Variants in GRID2 observed in about 807,000 individuals in gnomAD.
The protein encoded by GRID2 is glutamate ionotropic receptor delta type subunit 2, also known as glutamate receptor ionotropic, delta-2.
GRID2 carries 33 observed loss-of-function variants against 114.8 expected under a neutral mutation model. The ratio of observed to expected loss-of-function variants is 0.29; its 90% confidence interval spans 0.22 to 0.38. The LOEUF (loss-of-function observed/expected upper bound fraction) is 0.38, where lower values mean the gene tolerates loss of function less well. GRID2 is among the 10% of genes least tolerant of loss of function. The pLI, the probability that GRID2 is intolerant of heterozygous loss-of-function variation, is 1.00. For synonymous variants in GRID2, 505 were observed against 449.9 expected (o/e 1.12, Z -1.55); for missense variants, 1,184 against 1,257.7 (o/e 0.94, Z 0.89).
At chr4:93,416,561 A>G (rs984373719) in intron 9 of GRID2, among the ~76,000 whole-genome samples, 8 of 152,050 alleles carry the variant, frequency 5.3e-5, no homozygotes, top group Non-Finnish European at 1.2e-4. Flanking sequence ...AAACCTCTAA[A>G]CAGCTCTCAG....
At chr4:92,772,989 A>C (rs1224196575) in intron 2 of GRID2, among the ~76,000 whole-genome samples, 1 of 152,204 alleles carries the variant, frequency 6.6e-6, no homozygotes, top group Non-Finnish European at 1.5e-5. Flanking sequence ...GTCATTCTAG[A>C]AAAATCACCT....
rs939707363 is a variant in GRID2 at position 93,666,484 on chromosome 4, C to T, written c.2360+40049C>T. 5.3e-5 allele frequency among the ~76,000 whole-genome samples: 8 copies of T among 152,044 alleles called. No individual in the cohort carries two copies. In the East Asian group the frequency reaches 9.7e-4, roughly 18 times the overall value. ...GGCATGTCATTATGTTAGATTTGGG[C>T]GATTTGAAGAGTGCAATAATTATTA... On this transcript the variant is annotated intron_variant, in intron 14 of 15. Coordinates refer to ENST00000282020, the MANE Select transcript of GRID2 (RefSeq NM_001510.4).
chr4:92,340,576 C>T (rs1239517157), intron 1 of GRID2, among the ~76,000 whole-genome samples: 3 of 152,154 alleles, frequency 2.0e-5, no homozygotes, highest in Non-Finnish European at 4.4e-5. Flanking sequence ...TGGAATTCTA[C>T]ATGATGAACA....
At chr4:93,308,870 A>G (rs1039565432) in intron 8 of GRID2, among the ~76,000 whole-genome samples, 1 of 152,184 alleles carries the variant, frequency 6.6e-6, no homozygotes, top group African/African-American at 2.4e-5. Context: ...GGAAAACTTG[A>G]TATCACTATA....
chr4:92,923,327 T>C (rs1290662101), intron 2 of GRID2, among the ~76,000 whole-genome samples: 1 of 152,178 alleles, frequency 6.6e-6, no homozygotes, highest in East Asian at 1.9e-4. Context: ...TATTACAATG[T>C]GAAATCTACT....
chr4:92,963,129 G>T (rs1752929250), intron 2 of GRID2, among the ~76,000 whole-genome samples: 1 of 152,022 alleles, frequency 6.6e-6, no homozygotes, highest in Non-Finnish European at 1.5e-5. Context: ...CCTTCAGCGT[G>T]TCATAATCCT....
chr4:92,991,306 G>A (rs963210943), intron 2 of GRID2, among the ~76,000 whole-genome samples: 2 of 152,040 alleles, frequency 1.3e-5, no homozygotes, highest in African/African-American at 4.8e-5. Flanking sequence ...GACACTCTTG[G>A]CAAAACATAA....
chr4:92,935,559 C>T (rs566945529), intron 2 of GRID2, among the ~76,000 whole-genome samples: 1 of 146,932 alleles, frequency 6.8e-6, no homozygotes, highest in South Asian at 2.3e-4. Context: ...GACTATAAAT[C>T]ATGCTGCTAT....
At chr4:93,371,250 A>C (rs1371463812) in intron 8 of GRID2, among the ~76,000 whole-genome samples, 1 of 152,194 alleles carries the variant, frequency 6.6e-6, no homozygotes, top group Non-Finnish European at 1.5e-5. Flanking sequence ...TATATGATAT[A>C]ATTGTTAAGC....
chr4:92,534,122 C>T (rs1725490369), intron 1 of GRID2, among the ~76,000 whole-genome samples: 1 of 151,990 alleles, frequency 6.6e-6, no homozygotes, highest in South Asian at 2.1e-4. Context: ...AATTCACAGT[C>T]TAACAATTTC....
intron 8 of GRID2, among the ~76,000 whole-genome samples, chr4:93,267,241 GTTAGTTACATA>G (rs1750950670): frequency 6.6e-6 from 1 of 150,526 alleles, no homozygotes; most frequent in Non-Finnish European, 1.5e-5. Flanking sequence ...CATTGTGCAG[GTTAGTTACATA>G]TGTATACATG....
intron 4 of GRID2, among the ~76,000 whole-genome samples, chr4:93,196,609 C>T (rs767503883): frequency 3.3e-5 from 5 of 152,064 alleles, no homozygotes; most frequent in Admixed American, 6.6e-5. Context: ...GCTTCATCAA[C>T]GATGAGCTAC....
chr4:93,133,932 A>T (rs1018315222), intron 4 of GRID2, among the ~76,000 whole-genome samples: 2 of 152,240 alleles, frequency 1.3e-5, no homozygotes, highest in Non-Finnish European at 2.9e-5. Context: ...ATAGAAAAGT[A>T]GAATTCCATT....
chr4:92,482,312 T>C (rs1722655655), intron 1 of GRID2, among the ~76,000 whole-genome samples: 1 of 151,736 alleles, frequency 6.6e-6, no homozygotes, highest in Non-Finnish European at 1.5e-5. Flanking sequence ...CAATAGACAC[T>C]GTGGACTACT....
At chr4:93,591,006 G>A (rs1468731162) in intron 13 of GRID2, among the ~76,000 whole-genome samples, 1 of 151,486 alleles carries the variant, frequency 6.6e-6, no homozygotes, top group Non-Finnish European at 1.5e-5. Context: ...TGCAAACAGG[G>A]ACAATTGGAC....
At chr4:92,610,554 C>G (rs929920665) in intron 2 of GRID2, among the ~76,000 whole-genome samples, 1 of 151,610 alleles carries the variant, frequency 6.6e-6, no homozygotes, top group Admixed American at 6.6e-5. Flanking sequence ...TCCCTTCCCC[C>G]TCCTTTTCCA....
chr4:92,611,072 A>G (rs528253296), intron 2 of GRID2, among the ~76,000 whole-genome samples: 4 of 136,052 alleles, frequency 2.9e-5, no homozygotes, highest in Admixed American at 7.4e-5. Context: ...GTGTGTGTAT[A>G]TATATATGTG....
At chr4:92,438,725 G>A (rs187553866) in intron 1 of GRID2, among the ~76,000 whole-genome samples, 68 of 152,078 alleles carry the variant, frequency 4.5e-4, no homozygotes, top group African/African-American at 1.5e-3. Context: ...AATCCCAGTC[G>A]TTCTAGGAGA....
chr4:93,047,056 G>A (rs1029530426), intron 2 of GRID2, among the ~76,000 whole-genome samples: 6 of 151,846 alleles, frequency 4.0e-5, no homozygotes, highest in African/African-American at 1.5e-4. Context: ...CTCTTATGTG[G>A]TCTTCCTTCT....
Sources: gnomAD v4.1 joint callset for allele counts (sites outside exome capture counted in the v4.1 genomes callset) on GRCh38, gnomAD v4.1.1 for gene constraint, MANE v1.5 for transcripts, NCBI Gene and HGNC (gene_info 2026-07-23, HGNC 2026-07-21) for gene names.